Variants in BMPR2 observed in about 807,000 individuals in gnomAD.
The protein encoded by BMPR2 is bone morphogenetic protein receptor type 2.
In BMPR2, 29 loss-of-function variants were observed where a neutral mutation model predicts 100.8. The observed-to-expected ratio is 0.29, with a 90% CI of 0.21 to 0.39. BMPR2 has a LOEUF of 0.39. Among genes scored for constraint, BMPR2 ranks in the 10% least tolerant of loss-of-function variants. The pLI, the probability that BMPR2 is intolerant of heterozygous loss-of-function variation, is 1.00. For missense variants in BMPR2, 1,011 were observed against 1,274.5 expected, an observed-to-expected ratio of 0.79 and a Z score of 3.15; for synonymous variants, 382 against 442.3, an observed-to-expected ratio of 0.86 and a Z score of 1.71.
At chr2:202,496,322 A>G (rs542420824) in intron 3 of BMPR2, among the ~76,000 whole-genome samples, 12 of 152,266 alleles carry the variant, frequency 7.9e-5, no homozygotes, top group Non-Finnish European at 1.5e-4. Context: ...CCCTGTCTCT[A>G]CAAAAAATAA....
intron 3 of BMPR2, among the ~76,000 whole-genome samples, chr2:202,506,930 G>A (rs527911982): frequency 4.0e-5 from 6 of 151,852 alleles, no homozygotes; most frequent in Admixed American, 6.6e-5. Flanking sequence ...AAAATTAGCC[G>A]GGCATAGTGG....
In BMPR2 at chr2:202,524,623, T is replaced by C. The variant is rs148433522; in HGVS notation, c.967+4422T>C. Among the ~76,000 whole-genome samples the C allele has an allele frequency of 4.0e-5, 6 of 151,448 alleles. No homozygotes were observed. The East Asian group carries it at 9.9e-4, about 25-fold the overall frequency. On this transcript the variant is annotated intron_variant, in intron 7 of 12. Transcript: ENST00000374580. ...CTGTCTCTGCAATAGCCAGGCATAG[T>C]AGCATGCATCTCAGGAGGGTAAGGT... is the stretch of plus-strand genomic sequence containing the variant.
intron 1 of BMPR2, among the ~76,000 whole-genome samples, chr2:202,390,980 CTTTTTTTTTT>C (rs11459505): frequency 2.2e-3 from 112 of 51,936 alleles, no homozygotes; most frequent in Middle Eastern, 0.019. Flanking sequence ...AGTAAGTAGT[CTTTTTTTTTT>C]TTTTTTTTTT....
chr2:202,513,570 T>C (rs1165315603), intron 3 of BMPR2, 149 bp from the exon 4 acceptor site: 1 of 600,678 alleles, frequency 1.7e-6, no homozygotes, highest in Non-Finnish European at 2.9e-6. Context: ...ATCACATTTA[T>C]TACTAATTTT....
rs1035478090 is a variant in BMPR2 at position 202,444,289 on chromosome 2, A to G, written c.77-20520A>G. On this transcript the variant is annotated intron_variant, in intron 1 of 12. Transcript: ENST00000374580. ...TCTCAGGGCAGGTTTTTCTAAGTGAATTTGAACTTAGAAACATAGAATAGA... is the reference window on the plus strand; with the variant it reads ...TCTCAGGGCAGGTTTTTCTAAGTGAGTTTGAACTTAGAAACATAGAATAGA... Among the ~76,000 whole-genome samples, 9 of 150,640 alleles carry G rather than the reference A, an allele frequency of 6.0e-5. 1 individual carries two copies. Among genetic ancestry groups the G allele is most frequent in the African/African-American group, 2.0e-4 (8 of 40,018 alleles).
In BMPR2 at chr2:202,555,579, A is replaced by G. The variant is rs1553512773; in HGVS notation, c.1914A>G (p.Thr638=). 1 of 1,614,156 alleles carries G rather than the reference A, an allele frequency of 6.2e-7. No homozygotes were observed. Among genetic ancestry groups the G allele is most frequent in the Non-Finnish European group, 8.5e-7 (1 of 1,180,040 alleles). Residue 638 remains threonine, a synonymous_variant, in exon 12 of 13, where the codon ACA becomes ACG. Coordinates refer to ENST00000374580, the MANE Select transcript of BMPR2 (RefSeq NM_001204.7). Reference sequence around the variant, plus strand: ...CTGAGATGCCATACCCAGATGAAACAAATCTGCATACCACAAATGTTGCAC... The same window carrying G: ...CTGAGATGCCATACCCAGATGAAACGAATCTGCATACCACAAATGTTGCAC... ...TISEMPYPDE[T]NLHTTNVAQS...
rs1691642376 is a variant in BMPR2 at position 202,437,731 on chromosome 2, T to C, written c.77-27078T>C. 1.3e-5 allele frequency among the ~76,000 whole-genome samples: 2 copies of C among 150,694 alleles called. 1 individual carries two copies. Among genetic ancestry groups the C allele is most frequent in the African/African-American group, 5.0e-5 (2 of 40,010 alleles). On this transcript the variant is annotated intron_variant, in intron 1 of 12. Transcript: ENST00000374580. Reference sequence around the variant, plus strand: ...GTATCATATAATATATAGTCTTTGGTGACTGGCTTCTTTCACTCAGCATAA... The same window carrying C: ...GTATCATATAATATATAGTCTTTGGCGACTGGCTTCTTTCACTCAGCATAA...
rs192422275 is a variant in BMPR2 at position 202,454,788 on chromosome 2, C to T, written c.77-10021C>T. The stretch of plus-strand genomic sequence containing the variant: ...ACTATCTAAAATAGCACTAGAGACA[C>T]GTGGTTATATTAGTTGGCTTGGACT... On this transcript the variant is annotated intron_variant, in intron 1 of 12. Coordinates refer to ENST00000374580, the MANE Select transcript of BMPR2 (RefSeq NM_001204.7). Among the ~76,000 whole-genome samples, 6 of 152,214 alleles carry T rather than the reference C, an allele frequency of 3.9e-5. No individual in the cohort carries two copies. The East Asian group carries it at 9.6e-4, about 24-fold the overall frequency.
intron 1 of BMPR2, among the ~76,000 whole-genome samples, chr2:202,411,494 A>G (rs1250291663): frequency 1.3e-5 from 2 of 152,176 alleles, no homozygotes; most frequent in African/African-American, 4.8e-5. Context: ...TGCTAGCACA[A>G]ATAAACTGGG....
At chr2:202,517,259 A>G (rs1687728921) in intron 5 of BMPR2, among the ~76,000 whole-genome samples, 1 of 151,474 alleles carries the variant, frequency 6.6e-6, no homozygotes, top group South Asian at 2.1e-4. Context: ...TTGTTTTAGT[A>G]AGCAATAAAC....
intron 1 of BMPR2, among the ~76,000 whole-genome samples, chr2:202,464,478 G>A (rs1050102108): frequency 3.3e-5 from 5 of 152,064 alleles, no homozygotes; most frequent in African/African-American, 1.2e-4. Context: ...TGAAGACTTG[G>A]TAATTTTGAA....
intron 1 of BMPR2, among the ~76,000 whole-genome samples, chr2:202,447,014 A>G (rs1181931796): frequency 1.3e-5 from 2 of 148,750 alleles, no homozygotes; most frequent in Non-Finnish European, 3.0e-5. Context: ...CTCTAAAAAT[A>G]GATTGTAGAT....
intron 3 of BMPR2, among the ~76,000 whole-genome samples, chr2:202,485,756 G>C (rs1442026699): frequency 6.6e-6 from 1 of 151,582 alleles, no homozygotes; most frequent in Non-Finnish European, 1.5e-5. Flanking sequence ...TGTTGACCAG[G>C]CTGGTCTCAA....
At chr2:202,427,207 C>T (rs1444421579) in intron 1 of BMPR2, among the ~76,000 whole-genome samples, 4 of 151,838 alleles carry the variant, frequency 2.6e-5, no homozygotes, top group Non-Finnish European at 4.4e-5. Flanking sequence ...AAAAATTAGC[C>T]AGGTGTGCCA....
intron 1 of BMPR2, among the ~76,000 whole-genome samples, chr2:202,384,569 T>TTTATTTCTTTCTTTTTCTTTC (rs138215628): frequency 1.1e-5 from 1 of 93,504 alleles, no homozygotes; most frequent in African/African-American, 5.4e-5. Context: ...TCTTTCTTTC[T>TTTATTTCTTTCTTTTTCTTTC]TTTTCTTTCT....
chr2:202,543,980 G>A (rs1030554532), intron 10 of BMPR2, among the ~76,000 whole-genome samples: 10 of 152,032 alleles, frequency 6.6e-5, no homozygotes, highest in Non-Finnish European at 1.3e-4. Flanking sequence ...CTGCCCTCCA[G>A]CCTGAGTAAG....
rs144813163 is a variant in BMPR2, at chr2:202,445,720, A to G, written c.77-19089A>G. Among the ~76,000 whole-genome samples, 177 of 149,936 alleles carry G rather than the reference A, an allele frequency of 1.2e-3. 14 individuals carry two copies. The highest frequency in any genetic ancestry group is 4.1e-3 in the African/African-American group (161 of 39,538). On this transcript the variant is annotated intron_variant, in intron 1 of 12. Transcript: ENST00000374580. ...AGTGATCCTCCCGCCTTGGCCTCCT[A>G]AAGTGTTGCAATTGCAGGCATAAGC...
intron 7 of BMPR2, among the ~76,000 whole-genome samples, chr2:202,524,995 A>G (rs1025049050): frequency 6.6e-6 from 1 of 152,150 alleles, no homozygotes; most frequent in Non-Finnish European, 1.5e-5. Flanking sequence ...TAAATAAATA[A>G]AAGAAAAAAA....
At chr2:202,473,106 A>G (rs889634146) in intron 3 of BMPR2, among the ~76,000 whole-genome samples, 5 of 152,216 alleles carry the variant, frequency 3.3e-5, no homozygotes, top group Non-Finnish European at 7.3e-5. Flanking sequence ...TCATGGCCAT[A>G]TAACAATAAA....
Sources: gnomAD v4.1 joint callset for allele counts (sites outside exome capture counted in the v4.1 genomes callset) on GRCh38, gnomAD v4.1.1 for gene constraint, MANE v1.5 for transcripts, NCBI Gene and HGNC (gene_info 2026-07-23, HGNC 2026-07-21) for gene names.